TSPEAR: variants seen among roughly 807,000 people sequenced by gnomAD.
TSPEAR encodes the protein thrombospondin-type laminin G domain and EAR repeat-containing protein.
A neutral mutation model predicts 71.6 loss-of-function variants in TSPEAR; 69 were observed. The observed-to-expected ratio is 0.96, with a 90% CI of 0.79 to 1.18. TSPEAR has a LOEUF of 1.18. Among genes scored for constraint, TSPEAR ranks in the 50% most tolerant of loss-of-function variants. The pLI, the probability that TSPEAR is intolerant of heterozygous loss-of-function variation, is 0.00. For missense variants in TSPEAR, 971 were observed against 894.9 expected (o/e 1.09, Z -1.09); for synonymous variants, 402 against 387.2 (o/e 1.04, Z -0.45).
intron 1 of TSPEAR, chr21:44,637,500 A>T (rs114653592): frequency 6.2e-7 from 1 of 1,612,668 alleles, no homozygotes; most frequent in Admixed American, 1.7e-5. Flanking sequence ...AGCTGCTGCG[A>T]GCCCTGCTGC....
chr21:44,530,086 C>G, intron 4 of TSPEAR, 132 bp from the exon 5 acceptor site: 1 of 934,664 alleles, frequency 1.1e-6, no homozygotes, highest in Non-Finnish European at 1.5e-6. Flanking sequence ...TTTTGCAGAG[C>G]TAACTGGGAA....
At chr21:44,606,196 A>C (rs1262153301) in intron 1 of TSPEAR, among the ~76,000 whole-genome samples, 2 of 151,574 alleles carry the variant, frequency 1.3e-5, no homozygotes, top group Non-Finnish European at 2.9e-5. Flanking sequence ...ACATAAATAA[A>C]TAAAAATGGG....
intron 11 of TSPEAR, among the ~76,000 whole-genome samples, chr21:44,500,864 T>G (rs185140605): frequency 1.3e-5 from 2 of 152,370 alleles, no homozygotes; most frequent in African/African-American, 4.8e-5. Flanking sequence ...GGTAAAGAGT[T>G]TGTCTTTTGC....
chr21:44,641,294 A>G (rs1984006405), intron 1 of TSPEAR, among the ~76,000 whole-genome samples: 1 of 152,168 alleles, frequency 6.6e-6, no homozygotes. Flanking sequence ...TGCTACCAAA[A>G]AGGAGGAGGA....
At chr21:44,528,907 T>TC (rs1169084460) in intron 5 of TSPEAR, among the ~76,000 whole-genome samples, 1 of 152,136 alleles carries the variant, frequency 6.6e-6, no homozygotes, top group Non-Finnish European at 1.5e-5. Flanking sequence ...CAGGGCATGG[T>TC]CCCCCCTCAG....
intron 1 of TSPEAR, chr21:44,690,459 A>G: frequency 1.2e-6 from 1 of 803,372 alleles, no homozygotes; most frequent in Non-Finnish European, 1.5e-6. Context: ...TCAAACAAAC[A>G]AACAAATGAA....
rs377177017 is a variant in TSPEAR at position 44,646,547 on chromosome 21, C to A, written c.82+64886G>T. The A allele has an allele frequency of 2.0e-4, 315 of 1,612,488 alleles. No homozygotes were observed. Among genetic ancestry groups the A allele is most frequent in the Non-Finnish European group, 2.6e-4 (307 of 1,179,968 alleles). On this transcript the variant is annotated intron_variant, in intron 1 of 11. Transcript: ENST00000323084. ...TGCCCAGAGAGCTGCTGTGAGCCCC[C>A]CTGCAGCGCCCCCAGCTGCTGCGCC... is the stretch of plus-strand genomic sequence containing the variant.
At chr21:44,629,981 G>C (rs939084695) in intron 1 of TSPEAR, among the ~76,000 whole-genome samples, 1 of 152,180 alleles carries the variant, frequency 6.6e-6, no homozygotes, top group African/African-American at 2.4e-5. Flanking sequence ...GGCTGTCGCG[G>C]GGGTCAGGAG....
At chr21:44,632,206 T>C (rs982758718) in intron 1 of TSPEAR, among the ~76,000 whole-genome samples, 1 of 151,944 alleles carries the variant, frequency 6.6e-6, no homozygotes, top group Non-Finnish European at 1.5e-5. Context: ...CTCAAAAAGA[T>C]CCACACAGAA....
At chr21:44,603,206 G>C (rs1370535554) in intron 1 of TSPEAR, among the ~76,000 whole-genome samples, 2 of 152,074 alleles carry the variant, frequency 1.3e-5, no homozygotes, top group African/African-American at 2.4e-5. Context: ...TGGAGCACCA[G>C]CTGGCAAGGA....
intron 1 of TSPEAR, chr21:44,627,143 C>T (rs1555934522): frequency 6.2e-7 from 1 of 1,601,714 alleles, no homozygotes. Context: ...ACTTACACCT[C>T]CCCCAGCTCA....
In TSPEAR at chr21:44,550,413, G is replaced by A; in HGVS notation, c.304-16490C>T. 6.6e-6 allele frequency: 4 copies of A among 606,788 alleles called. No individual in the cohort carries two copies. The South Asian group carries it at 8.4e-5, about 13-fold the overall frequency. 37.6% of individuals were successfully genotyped at this position (606,788 alleles called of 1,614,324 possible). The stretch of plus-strand genomic sequence containing the variant: ...GGCAGAGGGTGACGCTCCTGGGGGT[G>A]AGACCCAGGTCAGGAGGGCCCATCC... On this transcript the variant is annotated intron_variant, in intron 2 of 11. Coordinates refer to ENST00000323084, the MANE Select transcript of TSPEAR (RefSeq NM_144991.3).
chr21:44,677,203 C>T (rs1405170074), intron 1 of TSPEAR: 1 of 712,202 alleles, frequency 1.4e-6, no homozygotes, highest in Admixed American at 2.1e-5. Flanking sequence ...TTTTCAGTCA[C>T]ACTTTTCATC....
chr21:44,607,406 A>G (rs1244898944), intron 1 of TSPEAR, among the ~76,000 whole-genome samples: 1 of 152,218 alleles, frequency 6.6e-6, no homozygotes, highest in Non-Finnish European at 1.5e-5. Flanking sequence ...ACGTCACATT[A>G]TAGATCAAAA....
chr21:44,587,063 A>G (rs1318089948), intron 1 of TSPEAR, among the ~76,000 whole-genome samples: 1 of 152,198 alleles, frequency 6.6e-6, no homozygotes, highest in East Asian at 1.9e-4. Flanking sequence ...AGAAAGAAAT[A>G]AAAGGCATCC....
intron 1 of TSPEAR, among the ~76,000 whole-genome samples, chr21:44,706,777 T>C (rs1555952471): frequency 6.6e-6 from 1 of 152,052 alleles, no homozygotes; most frequent in African/African-American, 2.4e-5. Context: ...GGCGAGCTTC[T>C]CTTCTGTTTT....
intron 1 of TSPEAR, among the ~76,000 whole-genome samples, chr21:44,625,628 G>A (rs917485209): frequency 4.6e-5 from 7 of 152,208 alleles, no homozygotes; most frequent in Non-Finnish European, 7.3e-5. Flanking sequence ...AGTGGACCTC[G>A]GGGAAGGCCG....
At position 44,711,412 on chromosome 21, in the gene TSPEAR, G is replaced by A; in HGVS notation, c.82+21C>T. Reference sequence around the variant, plus strand: ...TCCCCGGCAAGATACCCCCGCCCGAGTTCCCATGCCCCTGCCTTACCTGTG... The same window carrying A: ...TCCCCGGCAAGATACCCCCGCCCGAATTCCCATGCCCCTGCCTTACCTGTG... On this transcript the variant is annotated intron_variant, in intron 1 of 11. Coordinates refer to ENST00000323084, the MANE Select transcript of TSPEAR (RefSeq NM_144991.3). The surrounding 1 kb of genome is among the most constrained non-coding windows in gnomAD (Gnocchi z 4.5). The A allele has an allele frequency of 6.4e-7, 1 of 1,574,528 alleles. No homozygotes were observed. The highest frequency in any genetic ancestry group is 8.6e-7 in the Non-Finnish European group (1 of 1,160,102).
intron 1 of TSPEAR, among the ~76,000 whole-genome samples, chr21:44,685,964 C>T (rs1189428767): frequency 6.6e-6 from 1 of 152,204 alleles, no homozygotes. Context: ...TTACTGTTAC[C>T]TCAATAATCA....
Sources: gnomAD v4.1 joint callset for allele counts (sites outside exome capture counted in the v4.1 genomes callset) on GRCh38, gnomAD v4.1.1 for gene constraint, Gnocchi (gnomAD v3.1) non-coding constraint, MANE v1.5 for transcripts, NCBI Gene and HGNC (gene_info 2026-07-23, HGNC 2026-07-21) for gene names.